The following CANT1 variants were observed in gnomAD, a reference collection of about 807,000 sequenced individuals.
The protein encoded by CANT1 is calcium activated nucleotidase 1, also known as soluble calcium-activated nucleotidase 1.
A neutral mutation model predicts 30.0 loss-of-function variants in CANT1; 26 were observed. The observed-to-expected ratio is 0.87, with a 90% CI of 0.64 to 1.20. The LOEUF (loss-of-function observed/expected upper bound fraction) is 1.20. CANT1 is among the 50% of genes most tolerant of loss of function. The pLI, the probability that CANT1 is intolerant of heterozygous loss-of-function variation, is 0.00. For synonymous variants in CANT1, 246 were observed against 251.8 expected, an observed-to-expected ratio of 0.98 and a Z score of 0.22; for missense variants, 518 against 563.0, an observed-to-expected ratio of 0.92 and a Z score of 0.81.
chr17:78,998,735 G>A lies in CANT1; in HGVS notation c.-146-772C>T, dbSNP rs1338560261. On this transcript the variant is annotated intron_variant, in intron 1 of 4. Coordinates refer to ENST00000392446, the MANE Select transcript of CANT1 (RefSeq NM_001159773.2). The surrounding 1 kb of genome is among the most constrained non-coding windows in gnomAD (Gnocchi z 4.5). ...GGACAGCCGCCAAGTGCCACAGTGG[G>A]GCGTGGGGAGACAGCTCCCGGTGCT... Among the ~76,000 whole-genome samples, 1 of 152,274 alleles carries A rather than the reference G, an allele frequency of 6.6e-6. No homozygotes were observed. The highest frequency in any genetic ancestry group is 1.5e-5 in the Non-Finnish European group (1 of 68,042).
intron 1 of CANT1, among the ~76,000 whole-genome samples, chr17:79,005,667 C>T (rs1276752878): frequency 6.6e-6 from 1 of 152,110 alleles, no homozygotes; most frequent in East Asian, 1.9e-4. Context: ...CCCCTTATCT[C>T]TGGAGAAGAG....
At chr17:79,005,061 G>T in intron 1 of CANT1, among the ~76,000 whole-genome samples, 1 of 24,312 alleles carries the variant, frequency 4.1e-5, no homozygotes, top group African/African-American at 3.6e-4. Context: ...GGGAGAGGGG[G>T]GTTAGGGAAG....
rs542439598 is a variant in CANT1 at position 79,008,911 on chromosome 17, C to T, written c.-147+753G>A. ...CCAAATTGGATGAGGGCAGGGAGAGCAAGGACTGGGATGGGGTGGGGAAGG... is the reference window on the plus strand; with the variant it reads ...CCAAATTGGATGAGGGCAGGGAGAGTAAGGACTGGGATGGGGTGGGGAAGG... On this transcript the variant is annotated intron_variant, in intron 1 of 4. Transcript: ENST00000392446. This position sits in a 1 kb window ranked among gnomAD's most constrained non-coding sequence, Gnocchi z 4.4. 5.4e-4 allele frequency among the ~76,000 whole-genome samples: 82 copies of T among 152,242 alleles called. No homozygotes were observed. The highest frequency in any genetic ancestry group is 2.0e-3 in the African/African-American group (81 of 41,538).
intron 1 of CANT1, among the ~76,000 whole-genome samples, chr17:79,003,994 T>G (rs1253795073): frequency 1.8e-3 from 7 of 3,840 alleles, no homozygotes; most frequent in African/African-American, 5.5e-3. Context: ...AGGGGGGAAT[T>G]GGGGAGGGGA....
intron 4 of CANT1, 151 bp from the exon 5 acceptor site, chr17:78,994,071 C>T: frequency 8.7e-7 from 1 of 1,146,350 alleles, no homozygotes; most frequent in Non-Finnish European, 1.2e-6. Flanking sequence ...CTCCAGGATT[C>T]TGGAAGGTTC....
At chr17:79,005,744 A>G (rs2071527242) in intron 1 of CANT1, among the ~76,000 whole-genome samples, 1 of 152,042 alleles carries the variant, frequency 6.6e-6, no homozygotes, top group Non-Finnish European at 1.5e-5. Flanking sequence ...CACTGTGTTC[A>G]CTGCCATGGT....
chr17:79,009,126 G>C (rs2071653249), intron 1 of CANT1, among the ~76,000 whole-genome samples: 1 of 151,922 alleles, frequency 6.6e-6, no homozygotes, highest in Non-Finnish European at 1.5e-5. Flanking sequence ...GAGGGGGATG[G>C]TCCCCACACT....
intron 1 of CANT1, among the ~76,000 whole-genome samples, chr17:79,003,983 GAGGGGGGAATTGGGGAGGGGAGTTAGGA>G: frequency 1.2e-5 from 1 of 83,962 alleles, no homozygotes; most frequent in Non-Finnish European, 2.6e-5. Flanking sequence ...GGGAGTTAGG[GAGGGGGGAATTGGGGAGGGGAGTTAGGA>G]AGAGGGGAGT....
Position 78,991,792 on chromosome 17 carries a change from G to A in CANT1, c.*1758C>T. 1 of 223,428 alleles carries A rather than the reference G, an allele frequency of 4.5e-6. No individual in the cohort carries two copies. The highest frequency in any genetic ancestry group is 8.9e-6 in the Non-Finnish European group (1 of 111,878). 13.8% of individuals were successfully genotyped at this position (223,428 alleles called of 1,614,324 possible). A position where few individuals can be genotyped will look rare whatever the true frequency, so the allele number is the denominator to read the frequency against. On this transcript the variant is annotated 3_prime_UTR_variant, in exon 5 of 5. Transcript: ENST00000392446. ...AAGGAACACAATCATTATGCTGACAGCAGCGAACAGAGAGGGGAAGAAAAA... is the reference window on the plus strand; with the variant it reads ...AAGGAACACAATCATTATGCTGACAACAGCGAACAGAGAGGGGAAGAAAAA...
Position 79,008,877 on chromosome 17 carries a change from A to G in CANT1, c.-147+787T>C, listed in dbSNP as rs1039687515. Among the ~76,000 whole-genome samples the G allele has an allele frequency of 1.3e-5, 2 of 152,166 alleles. No individual in the cohort carries two copies. Among genetic ancestry groups the G allele is most frequent in the Admixed American group, 6.5e-5 (1 of 15,274 alleles). ...AGATGAGAGTGAGCTGTGTGCCTGG[A>G]GGAAGGCTCCAAATTGGATGAGGGC... On this transcript the variant is annotated intron_variant, in intron 1 of 4. Coordinates refer to ENST00000392446, the MANE Select transcript of CANT1 (RefSeq NM_001159773.2). The surrounding 1 kb of genome is among the most constrained non-coding windows in gnomAD (Gnocchi z 4.4).
rs2071085205 is a variant in CANT1 at position 78,997,551 on chromosome 17, G to T, written c.72C>A (p.Gly24=). ...TGGTCATGGACGCCAGCACAGGAAGGCCCCCCACACTGATCCGGAGGGAGT... is the reference window on the plus strand; with the variant it reads ...TGGTCATGGACGCCAGCACAGGAAGTCCCCCCACACTGATCCGGAGGGAGT... ...SMHSLRISVG[G]LPVLASMTKA... Residue 24 remains glycine (G), a synonymous_variant, in exon 3 of 5, where the codon GGC becomes GGA. Transcript: ENST00000392446. The surrounding 1 kb of genome is among the most constrained non-coding windows in gnomAD (Gnocchi z 7.5). 1 of 1,565,298 alleles carries T rather than the reference G, an allele frequency of 6.4e-7. No individual in the cohort carries two copies. The highest frequency in any genetic ancestry group is 8.7e-7 in the Non-Finnish European group (1 of 1,154,878).
rs776577147 is a variant in CANT1, at chr17:78,997,729, G to A, written c.-22-85C>T. 9.6e-5 allele frequency: 120 copies of A among 1,251,578 alleles called. 1 individual carries two copies. The highest frequency in any genetic ancestry group is 1.3e-4 in the Non-Finnish European group (117 of 926,236). 77.5% of individuals were successfully genotyped at this position (1,251,578 alleles called of 1,614,324 possible). On this transcript the variant is annotated intron_variant, in intron 2 of 4. Coordinates refer to ENST00000392446, the MANE Select transcript of CANT1 (RefSeq NM_001159773.2). This position sits in a 1 kb window ranked among gnomAD's most constrained non-coding sequence, Gnocchi z 7.5. ...GTTCCGGAAGCTGCAGGCGCTGGAGGCTGACTTTTCCAGAAGAAACAGTAT... is the reference window on the plus strand; with the variant it reads ...GTTCCGGAAGCTGCAGGCGCTGGAGACTGACTTTTCCAGAAGAAACAGTAT...
rs1244405361 is a variant in CANT1, at chr17:78,998,584, C to T, written c.-146-621G>A. ...CCCAGGGTCAGGGTGCTGGTGGCGG[C>T]CAGGAACTGCAGCCCTTCACTGCTG... On this transcript the variant is annotated intron_variant, in intron 1 of 4. Coordinates refer to ENST00000392446, the MANE Select transcript of CANT1 (RefSeq NM_001159773.2). This position sits in a 1 kb window ranked among gnomAD's most constrained non-coding sequence, Gnocchi z 4.5. Among the ~76,000 whole-genome samples, 1 of 152,230 alleles carries T rather than the reference C, an allele frequency of 6.6e-6. No individual in the cohort carries two copies. Among genetic ancestry groups the T allele is most frequent in the African/African-American group, 2.4e-5 (1 of 41,466 alleles).
At chr17:79,007,435 T>C (rs909953051) in intron 1 of CANT1, among the ~76,000 whole-genome samples, 3 of 152,148 alleles carry the variant, frequency 2.0e-5, no homozygotes, top group Non-Finnish European at 4.4e-5. Context: ...ACTGACCCAT[T>C]TCAGGACCTG....
intron 4 of CANT1, among the ~76,000 whole-genome samples, chr17:78,994,781 G>A (rs750120477): frequency 1.1e-4 from 16 of 152,206 alleles, no homozygotes; most frequent in Admixed American, 3.9e-4. Context: ...TTAGCTGGGC[G>A]TGGTGGTGCA....
intron 1 of CANT1, among the ~76,000 whole-genome samples, chr17:79,001,568 C>G (rs1414858128): frequency 6.7e-6 from 1 of 149,920 alleles, no homozygotes; most frequent in Non-Finnish European, 1.5e-5. Flanking sequence ...TTCCCACCCC[C>G]GCCCAGGCCC....
Position 78,998,122 on chromosome 17 carries a change from C to T in CANT1, c.-146-159G>A. The T allele has an allele frequency of 5.3e-6, 1 of 188,542 alleles. No homozygotes were observed. Among genetic ancestry groups the T allele is most frequent in the Non-Finnish European group, 1.1e-5 (1 of 89,656 alleles). 11.7% of individuals were successfully genotyped at this position (188,542 alleles called of 1,614,324 possible). On this transcript the variant is annotated intron_variant, in intron 1 of 4. Transcript: ENST00000392446. The surrounding 1 kb of genome is among the most constrained non-coding windows in gnomAD (Gnocchi z 4.5). ...CCTGCTGCAGACATCACCCTCCGTC[C>T]CTGGGTCCTTGGCCCTTGTCCCCAC...
rs144307129 is a variant in CANT1 at position 78,998,449 on chromosome 17, C to T, written c.-146-486G>A. Among the ~76,000 whole-genome samples the T allele has an allele frequency of 1.2e-3, 189 of 152,352 alleles. 3 individuals are homozygous for T. The East Asian group carries it at 0.032, about 26-fold the overall frequency. On this transcript the variant is annotated intron_variant, in intron 1 of 4. Coordinates refer to ENST00000392446, the MANE Select transcript of CANT1 (RefSeq NM_001159773.2). This position sits in a 1 kb window ranked among gnomAD's most constrained non-coding sequence, Gnocchi z 4.5. The stretch of plus-strand genomic sequence containing the variant: ...GCTGCCCTGACTGCCTGGAGGCCAG[C>T]GTGTCTGTGCCTTGGCGCCAAAGAA...
chr17:78,999,605 A>C (rs950421071), intron 1 of CANT1, among the ~76,000 whole-genome samples: 5 of 145,058 alleles, frequency 3.4e-5, no homozygotes, highest in African/African-American at 1.3e-4. Context: ...CCTCCCAAGT[A>C]GCTGGGACTA....
Sources: gnomAD v4.1 joint callset for allele counts (sites outside exome capture counted in the v4.1 genomes callset) on GRCh38, gnomAD v4.1.1 for gene constraint, Gnocchi (gnomAD v3.1) non-coding constraint, MANE v1.5 for transcripts, NCBI Gene and HGNC (gene_info 2026-07-23, HGNC 2026-07-21) for gene names.